GEN1: variants seen among roughly 807,000 people sequenced by gnomAD.
GEN1 encodes flap endonuclease GEN homolog 1.
A neutral mutation model predicts 67.6 loss-of-function variants in GEN1; 64 were observed. The ratio of observed to expected loss-of-function variants is 0.95; its 90% CI spans 0.77 to 1.17. The LOEUF (loss-of-function observed/expected upper bound fraction) is 1.17, where lower values mean the gene tolerates loss of function less well. GEN1 is among the 50% of genes most tolerant of loss of function. GEN1 has a pLI of 0.00. For missense variants in GEN1, 1,058 were observed against 1,048.3 expected (o/e 1.01, Z -0.13); for synonymous variants, 371 against 359.4 (o/e 1.03, Z -0.37).
chr2:17,765,673 A>AC (rs1671894424), intron 4 of GEN1, among the ~76,000 whole-genome samples: 1 of 152,146 alleles, frequency 6.6e-6, no homozygotes, highest in Admixed American at 6.6e-5. Flanking sequence ...TAATATTAGC[A>AC]CCCCCATTGA....
chr2:17,775,763 C>A (rs1672395954), intron 11 of GEN1, among the ~76,000 whole-genome samples: 1 of 152,128 alleles, frequency 6.6e-6, no homozygotes, highest in African/African-American at 2.4e-5. Context: ...AATAAAAGAA[C>A]AATAGACTGC....
At chr2:17,779,896 A>C in intron 12 of GEN1, 82 bp from the exon 13 acceptor site, 2 of 1,126,046 alleles carry the variant, frequency 1.8e-6, no homozygotes, top group Non-Finnish European at 2.5e-6. Flanking sequence ...CTGGGATTAC[A>C]GGTGTGAGCC....
chr2:17,767,754 C>T (rs1671999850), intron 5 of GEN1, among the ~76,000 whole-genome samples: 1 of 152,158 alleles, frequency 6.6e-6, no homozygotes, highest in Non-Finnish European at 1.5e-5. Context: ...GCTATATTGA[C>T]CTTTTGTGTT....
chr2:17,788,043 A>T lies in GEN1; in HGVS notation c.*6104A>T, dbSNP rs1001866938. The stretch of plus-strand genomic sequence containing the variant: ...GAGACCAAATCTAACCGGGTGGATT[A>T]GCTTGATACCTAGTCGCCTTTAGCC... On this transcript the variant is annotated 3_prime_UTR_variant, in exon 14 of 14. Transcript: ENST00000381254. 11 of 152,238 alleles carry T rather than the reference A, an allele frequency of 7.2e-5. No individual in the cohort carries two copies. The highest frequency in any genetic ancestry group is 1.0e-4 in the Non-Finnish European group (7 of 68,042). The allele number at this position is 152,238 out of a possible 1,614,324, so 9.4% of individuals were successfully genotyped here. A position where few individuals can be genotyped will look rare whatever the true frequency, so the allele number is the denominator to read the frequency against.
intron 12 of GEN1, among the ~76,000 whole-genome samples, chr2:17,778,409 CATAT>C (rs1254276151): frequency 2.7e-5 from 1 of 37,286 alleles, no homozygotes; most frequent in African/African-American, 6.6e-5. Flanking sequence ...TATATACACA[CATAT>C]ATGTGTGTAC....
chr2:17,782,005 A>C lies in GEN1; in HGVS notation c.*66A>C, dbSNP rs553438371. The C allele has an allele frequency of 5.8e-6, 5 of 856,160 alleles. No homozygotes were observed. The highest frequency in any genetic ancestry group is 3.6e-6 in the Non-Finnish European group (2 of 552,452). 53.0% of individuals were successfully genotyped at this position (856,160 alleles called of 1,614,324 possible). On this transcript the variant is annotated 3_prime_UTR_variant, in exon 14 of 14. Transcript: ENST00000381254. ...ATCAGCAATAGCAGAGACAGAGGGA[A>C]GGTATCTAGTTCATGTGTGGTAAAA... is the stretch of plus-strand genomic sequence containing the variant.
At chr2:17,776,415 G>A (rs1001496124) in intron 11 of GEN1, among the ~76,000 whole-genome samples, 1 of 151,972 alleles carries the variant, frequency 6.6e-6, no homozygotes, top group East Asian at 1.9e-4. Flanking sequence ...AAAGTTTTTT[G>A]TGGCAATGTA....
chr2:17,761,646 A>T, intron 3 of GEN1, 64 bp downstream of exon 3: 2 of 1,108,438 alleles, frequency 1.8e-6, no homozygotes, highest in Non-Finnish European at 2.6e-6. Context: ...TACTCTTAAT[A>T]GTTTGTCATC....
At chr2:17,760,175 C>CTT in intron 2 of GEN1, 71 bp downstream of exon 2, 2 of 1,276,490 alleles carry the variant, frequency 1.6e-6, no homozygotes, top group South Asian at 1.6e-5. Flanking sequence ...TTTGTTTCAC[C>CTT]TTTTTTTTTC....
intron 3 of GEN1, among the ~76,000 whole-genome samples, chr2:17,763,604 C>T (rs925800504): frequency 2.0e-5 from 3 of 152,196 alleles, no homozygotes; most frequent in Non-Finnish European, 4.4e-5. Context: ...ACCTCCACCC[C>T]ACATGGTAGA....
intron 5 of GEN1, among the ~76,000 whole-genome samples, chr2:17,767,057 TTTTCAGTATTCTTTG>T (rs1671967722): frequency 6.6e-6 from 1 of 152,214 alleles, no homozygotes; most frequent in Admixed American, 6.5e-5. Flanking sequence ...TGTTTTTTAG[TTTTCAGTATTCTTTG>T]TGCACATGCT....
chr2:17,768,695 A>G, intron 5 of GEN1, 43 bp from the exon 6 acceptor site: 1 of 1,352,776 alleles, frequency 7.4e-7, no homozygotes, highest in Non-Finnish European at 1.1e-6. Context: ...AACCATTCCT[A>G]GTGATTAACA....
chr2:17,756,034 A>ATT (rs1054394444), intron 1 of GEN1, among the ~76,000 whole-genome samples: 5 of 151,814 alleles, frequency 3.3e-5, no homozygotes, highest in African/African-American at 1.2e-4. Flanking sequence ...AAATAGAGTG[A>ATT]TTTTTTTTTA....
intron 3 of GEN1, among the ~76,000 whole-genome samples, chr2:17,763,137 ATTTG>A (rs1321553069): frequency 2.6e-5 from 4 of 151,910 alleles, no homozygotes; most frequent in Non-Finnish European, 5.9e-5. Context: ...TTTGCTTTGA[ATTTG>A]TTTTTCTTTT....
At chr2:17,763,276 T>G (rs769654100) in intron 3 of GEN1, among the ~76,000 whole-genome samples, 28 of 152,286 alleles carry the variant, frequency 1.8e-4, no homozygotes, top group Non-Finnish European at 3.7e-4. Context: ...TTGAAGAAAA[T>G]ATCTGTGCTA....
intron 1 of GEN1, among the ~76,000 whole-genome samples, chr2:17,758,113 A>G (rs1175612786): frequency 2.0e-5 from 3 of 152,214 alleles, no homozygotes; most frequent in Non-Finnish European, 4.4e-5. Flanking sequence ...TTAGTCCTGT[A>G]TGGAGACCTA....
chr2:17,760,921 CAA>C (rs763646870), intron 2 of GEN1, among the ~76,000 whole-genome samples: 18 of 89,556 alleles, frequency 2.0e-4, no homozygotes, highest in Admixed American at 4.8e-4. Context: ...GACTCCACCT[CAA>C]AAAAAAAAAA....
chr2:17,767,753 A>G (rs1671999606), intron 5 of GEN1, among the ~76,000 whole-genome samples: 2 of 152,350 alleles, frequency 1.3e-5, no homozygotes, highest in South Asian at 2.1e-4. Context: ...AGCTATATTG[A>G]CCTTTTGTGT....
rs562841392 is a variant in GEN1 at position 17,764,974 on chromosome 2, C to T, written c.426C>T (p.Leu142=). 2.5e-6 allele frequency: 4 copies of T among 1,614,108 alleles called. No individual in the cohort carries two copies. The South Asian group carries it at 4.4e-5, about 18-fold the overall frequency. ...AGEAEAMCAY[L]NAGGHVDGCL... ...AAGCTGAAGCCATGTGTGCTTATCT[C>T]AATGCTGGTGGTCATGTCGATGGCT... is the stretch of plus-strand genomic sequence containing the variant. Residue 142 remains leucine, a synonymous_variant, in exon 4 of 14, where the codon CTC becomes CTT. Coordinates refer to ENST00000381254, the MANE Select transcript of GEN1 (RefSeq NM_001130009.3).
Sources: allele counts gnomAD v4.1 joint callset (sites outside exome capture counted in the v4.1 genomes callset), GRCh38; gene constraint gnomAD v4.1.1; transcripts MANE v1.5; gene names NCBI Gene and HGNC (gene_info 2026-07-23, HGNC 2026-07-21).